Variants in BICD1 observed in about 807,000 individuals in gnomAD.
BICD1 encodes BICD cargo adaptor 1, also known as protein bicaudal D homolog 1.
BICD1 carries 35 observed loss-of-function variants against 92.5 expected under a neutral mutation model. The ratio of observed to expected loss-of-function variants is 0.38; its 90% CI spans 0.29 to 0.50. BICD1 has a LOEUF of 0.50. Among genes scored for constraint, BICD1 ranks in the 20% least tolerant of loss-of-function variants. The probability of loss-of-function intolerance (pLI) is 0.93; values close to 1 mark genes in which losing one functional copy is unlikely to be tolerated. For missense variants in BICD1, 950 were observed against 1,189.8 expected, an observed-to-expected ratio of 0.80 and a Z score of 2.97; for synonymous variants, 429 against 465.1, an observed-to-expected ratio of 0.92 and a Z score of 1.00.
intron 4 of BICD1, among the ~76,000 whole-genome samples, chr12:32,323,591 G>A (rs910396892): frequency 1.3e-5 from 2 of 152,178 alleles, no homozygotes; most frequent in Non-Finnish European, 2.9e-5. Flanking sequence ...TTTGGTTTCT[G>A]CAGCCATAAT....
At chr12:32,257,057 A>G (rs1248997314) in intron 2 of BICD1, among the ~76,000 whole-genome samples, 1 of 152,036 alleles carries the variant, frequency 6.6e-6, no homozygotes, top group African/African-American at 2.4e-5. Context: ...TGCTAAAAAT[A>G]CAAAAATTAG....
At chr12:32,196,948 C>T (rs919927053) in intron 1 of BICD1, among the ~76,000 whole-genome samples, 2 of 151,982 alleles carry the variant, frequency 1.3e-5, no homozygotes, top group African/African-American at 2.4e-5. Flanking sequence ...AAGACATTTA[C>T]AAGCCACACT....
intron 1 of BICD1, among the ~76,000 whole-genome samples, chr12:32,158,106 CTTTTTT>C (rs35906528): frequency 8.0e-6 from 1 of 125,748 alleles, no homozygotes. Flanking sequence ...TTTTTTTTTT[CTTTTTT>C]TTTTTTTTTT....
chr12:32,364,117 C>T (rs1370944456), intron 8 of BICD1, among the ~76,000 whole-genome samples: 1 of 152,200 alleles, frequency 6.6e-6, no homozygotes, highest in Non-Finnish European at 1.5e-5. Context: ...TCTCTGTTCA[C>T]CTTTTTCCCC....
intron 1 of BICD1, among the ~76,000 whole-genome samples, chr12:32,129,524 CA>C (rs756293470): frequency 0.27 from 22,377 of 82,060 alleles, 1,599 homozygotes; most frequent in Admixed American, 0.41. Flanking sequence ...GATTCCATCT[CA>C]AAAAAAAAAA....
chr12:32,334,763 GA>G (rs1386136213), intron 6 of BICD1, 96 bp downstream of exon 6: 23 of 1,387,304 alleles, frequency 1.7e-5, no homozygotes, highest in Non-Finnish European at 2.2e-5. Context: ...TGTATTCGGT[GA>G]GTAGTCTAGG....
At position 32,191,447 on chromosome 12, in the gene BICD1, T is replaced by A. The variant is rs553455234; in HGVS notation, c.214-24800T>A. Among the ~76,000 whole-genome samples the A allele has an allele frequency of 4.3e-4, 65 of 151,900 alleles. No homozygotes were observed. In the South Asian group the frequency reaches 0.012, roughly 29 times the overall value. ...TTGCATTTTTTACAAATTGAAGGTTTGTGGCAACCCTGCATGGAGCAAGTC... is the reference window on the plus strand; with the variant it reads ...TTGCATTTTTTACAAATTGAAGGTTAGTGGCAACCCTGCATGGAGCAAGTC... On this transcript the variant is annotated intron_variant, in intron 1 of 9. Coordinates refer to ENST00000652176, the MANE Select transcript of BICD1 (RefSeq NM_001714.4).
At chr12:32,193,938 GC>G (rs1944647771) in intron 1 of BICD1, among the ~76,000 whole-genome samples, 1 of 152,128 alleles carries the variant, frequency 6.6e-6, no homozygotes. Flanking sequence ...GAACATAGAT[GC>G]AAAAGTTCTC....
At chr12:32,321,078 C>T (rs760562104) in intron 4 of BICD1, among the ~76,000 whole-genome samples, 2 of 152,128 alleles carry the variant, frequency 1.3e-5, no homozygotes, top group Non-Finnish European at 2.9e-5. Flanking sequence ...GTAATCCCAG[C>T]ACTTTGGGAG....
At chr12:32,241,732 T>C (rs1264338793) in intron 2 of BICD1, among the ~76,000 whole-genome samples, 1 of 152,200 alleles carries the variant, frequency 6.6e-6, no homozygotes, top group African/African-American at 2.4e-5. Flanking sequence ...CTCTAACTGC[T>C]TTTGGAGACA....
intron 4 of BICD1, among the ~76,000 whole-genome samples, chr12:32,307,595 A>G (rs1470144773): frequency 1.3e-5 from 2 of 152,168 alleles, no homozygotes; most frequent in African/African-American, 4.8e-5. Flanking sequence ...TTCTTCATGT[A>G]TAGCTGATAA....
At chr12:32,218,508 C>T (rs1945423738) in intron 2 of BICD1, among the ~76,000 whole-genome samples, 1 of 152,150 alleles carries the variant, frequency 6.6e-6, no homozygotes, top group African/African-American at 2.4e-5. Context: ...ATTTTTTGGC[C>T]TGCCCAAAGC....
chr12:32,308,473 A>G (rs1948289712), intron 4 of BICD1, among the ~76,000 whole-genome samples: 1 of 152,236 alleles, frequency 6.6e-6, no homozygotes, highest in African/African-American at 2.4e-5. Flanking sequence ...CAGAGTGCTG[A>G]GAACAGGGAC....
intron 4 of BICD1, among the ~76,000 whole-genome samples, chr12:32,314,397 G>A (rs1001229999): frequency 6.6e-6 from 1 of 152,074 alleles, no homozygotes; most frequent in Non-Finnish European, 1.5e-5. Context: ...CACCAGCAGT[G>A]TATGAGTGTT....
chr12:32,246,210 G>A (rs1946381486), intron 2 of BICD1, among the ~76,000 whole-genome samples: 1 of 149,506 alleles, frequency 6.7e-6, no homozygotes, highest in African/African-American at 2.5e-5. Flanking sequence ...GTCCAGTGGT[G>A]TGTGCCTGAA....
intron 2 of BICD1, among the ~76,000 whole-genome samples, chr12:32,220,392 T>G (rs1945480076): frequency 6.6e-6 from 1 of 151,958 alleles, no homozygotes; most frequent in South Asian, 2.1e-4. Flanking sequence ...CAAACAAATT[T>G]ACAAGAAAAA....
intron 1 of BICD1, among the ~76,000 whole-genome samples, chr12:32,119,863 T>C (rs1942079894): frequency 8.3e-6 from 1 of 120,544 alleles, no homozygotes. Context: ...AGAACAAGAC[T>C]CTGTCTCAAA....
chr12:32,133,816 C>G (rs1942639064), intron 1 of BICD1, among the ~76,000 whole-genome samples: 2 of 142,886 alleles, frequency 1.4e-5, no homozygotes, highest in South Asian at 4.4e-4. Context: ...GAGTCTTGCT[C>G]TGTCCCCCAG....
chr12:32,257,605 A>G (rs956530499), intron 2 of BICD1, among the ~76,000 whole-genome samples: 2 of 152,230 alleles, frequency 1.3e-5, no homozygotes, highest in Non-Finnish European at 2.9e-5. Context: ...AAAGATGTAT[A>G]GATCCTAAGA....
Sources: gnomAD v4.1 joint callset for allele counts (sites outside exome capture counted in the v4.1 genomes callset) on GRCh38, gnomAD v4.1.1 for gene constraint, MANE v1.5 for transcripts, NCBI Gene and HGNC (gene_info 2026-07-23, HGNC 2026-07-21) for gene names.